TMED3: variants seen among roughly 807,000 people sequenced by gnomAD.
TMED3 encodes transmembrane p24 trafficking protein 3.
A neutral mutation model predicts 15.0 loss-of-function variants in TMED3; 9 were observed. That is an observed-to-expected ratio of 0.60 (90% CI 0.36 to 1.04). The LOEUF (loss-of-function observed/expected upper bound fraction) is 1.04, where lower values mean the gene tolerates loss of function less well. TMED3 is among the 50% of genes least tolerant of loss of function. The pLI, the probability that TMED3 is intolerant of heterozygous loss-of-function variation, is 0.01. For missense variants in TMED3, 267 were observed against 278.9 expected (o/e 0.96, Z 0.30); for synonymous variants, 117 against 121.4 (o/e 0.96, Z 0.24).
At position 79,362,302 on chromosome 15, in the gene TMED3, T is replaced by TTA. The variant is rs750740506; in HGVS notation, c.417+48297_417+48298insTA. Among the ~76,000 whole-genome samples the TTA allele has an allele frequency of 1.3e-4, 18 of 135,038 alleles. No homozygotes were observed. The South Asian group carries it at 3.7e-3, about 28-fold the overall frequency. 88.6% of individuals were successfully genotyped at this position (135,038 alleles called of 152,430 possible). On this transcript the variant is annotated intron_variant, in intron 2 of 2. Transcript: ENST00000424155. ...GGCATATAGTGTGATCTTGCCTCTA[T>TTA]AAAAAAAAAAAAAAAAAATTAGCCA...
chr15:79,356,908 A>G (rs1046533844), intron 2 of TMED3, among the ~76,000 whole-genome samples: 6 of 152,240 alleles, frequency 3.9e-5, no homozygotes, highest in African/African-American at 1.4e-4. Context: ...TTATGTAGGC[A>G]TTAAAATAAG....
intron 2 of TMED3, among the ~76,000 whole-genome samples, chr15:79,329,285 A>T (rs2058798764): frequency 6.6e-6 from 1 of 152,198 alleles, no homozygotes; most frequent in African/African-American, 2.4e-5. Flanking sequence ...TCACAGCCCC[A>T]AACAGCTAGA....
intron 2 of TMED3, among the ~76,000 whole-genome samples, chr15:79,338,580 A>G (rs2058836406): frequency 6.6e-6 from 1 of 152,244 alleles, no homozygotes; most frequent in Non-Finnish European, 1.5e-5. Flanking sequence ...TATACCAGAT[A>G]TAGATCTTAG....
downstream of TMED3, among the ~76,000 whole-genome samples, chr15:79,325,828 C>T (rs764062277): frequency 2.8e-4 from 42 of 152,248 alleles, no homozygotes; most frequent in Non-Finnish European, 5.3e-4. Context: ...ACATCCAGCA[C>T]GGGAGAAAGA....
intron 2 of TMED3, among the ~76,000 whole-genome samples, chr15:79,316,521 TG>T (rs529803161): frequency 2.2e-4 from 33 of 152,276 alleles, no homozygotes; most frequent in African/African-American, 7.7e-4. Flanking sequence ...AGCAGATACT[TG>T]GGTCAGGGGA....
chr15:79,340,098 T>C (rs1309059038), intron 2 of TMED3, among the ~76,000 whole-genome samples: 3 of 152,244 alleles, frequency 2.0e-5, no homozygotes, highest in South Asian at 4.1e-4. Flanking sequence ...TAGTAAATAC[T>C]GTTTAAAGTA....
At chr15:79,329,494 G>C (rs1383521399) in intron 2 of TMED3, among the ~76,000 whole-genome samples, 2 of 152,218 alleles carry the variant, frequency 1.3e-5, no homozygotes, top group African/African-American at 2.4e-5. Context: ...ACTTGGCTCA[G>C]AGCCACTATT....
At chr15:79,364,161 GAATACA>G (rs1893184124) in intron 2 of TMED3, among the ~76,000 whole-genome samples, 1 of 152,136 alleles carries the variant, frequency 6.6e-6, no homozygotes, top group South Asian at 2.1e-4. Flanking sequence ...CTTCACAGTT[GAATACA>G]AAGGCTTTTT....
At chr15:79,332,511 A>T (rs1034095171) in intron 2 of TMED3, among the ~76,000 whole-genome samples, 1 of 152,190 alleles carries the variant, frequency 6.6e-6, no homozygotes, top group East Asian at 1.9e-4. Context: ...CATGTTAAAG[A>T]CTTGGTTTTT....
At chr15:79,398,561 A>G (rs1408559734) in intron 2 of TMED3, among the ~76,000 whole-genome samples, 1 of 134,430 alleles carries the variant, frequency 7.4e-6, no homozygotes, top group East Asian at 2.5e-4. Context: ...GGAAGCTGTG[A>G]GAATAGAAGA....
At chr15:79,328,027 T>A (rs1350228730) in intron 2 of TMED3, among the ~76,000 whole-genome samples, 1 of 152,190 alleles carries the variant, frequency 6.6e-6, no homozygotes, top group African/African-American at 2.4e-5. Context: ...GACATATAAG[T>A]GTTGGAGACT....
chr15:79,360,005 C>A (rs1470665240), intron 2 of TMED3, among the ~76,000 whole-genome samples: 1 of 152,212 alleles, frequency 6.6e-6, no homozygotes, highest in Non-Finnish European at 1.5e-5. Context: ...ATGTTATACT[C>A]TTCCACTGTT....
rs570459761 is a variant in TMED3 at position 79,411,279 on chromosome 15, C to A, written c.418-121C>A. 224 of 581,436 alleles carry A rather than the reference C, an allele frequency of 3.9e-4. 2 individuals are homozygous for A. The South Asian group carries it at 4.4e-3, about 11-fold the overall frequency. The allele number at this position is 581,436 out of a possible 1,614,324, so 36.0% of individuals were successfully genotyped here. On this transcript the variant is annotated intron_variant, in intron 2 of 2. Coordinates refer to the TMED3 transcript ENST00000424155. ...TTAGAGCCAGCAATAAAGGTAAATT[C>A]TTCCACAAAGGGGCTAGGCAATCAA...
chr15:79,351,536 C>T (rs1457653272), intron 2 of TMED3, among the ~76,000 whole-genome samples: 6 of 151,998 alleles, frequency 3.9e-5, no homozygotes, highest in African/African-American at 9.7e-5. Flanking sequence ...TTTTAAAAAC[C>T]CACCTTTTTA....
rs1327286533 is a variant in TMED3, at chr15:79,311,369, C to T, written c.120C>T (p.Cys40=). ...AGCTGCCGGACAACGCCAAGCAGTG[C>T]TTCCACGAGGAGGTGGAGCAGGGCG... The part of the protein sequence containing the change: ...TFELPDNAKQ[C]FHEEVEQGVK... The change falls in exon 1 of 3, where the codon TGC becomes TGT. Residue 40 remains cysteine, a synonymous_variant. Coordinates refer to ENST00000299705, the MANE Select transcript of TMED3 (RefSeq NM_007364.4). 6 of 1,612,170 alleles carry T rather than the reference C, an allele frequency of 3.7e-6. No homozygotes were observed. The highest frequency in any genetic ancestry group is 2.7e-5 in the African/African-American group (2 of 74,886).
chr15:79,357,466 A>T (rs74778706), intron 2 of TMED3, among the ~76,000 whole-genome samples: 1 of 117,182 alleles, frequency 8.5e-6, no homozygotes, highest in Non-Finnish European at 1.8e-5. Context: ...CCCTGCCTCA[A>T]AAAAAAAAAA....
intron 2 of TMED3, among the ~76,000 whole-genome samples, chr15:79,348,569 G>A (rs750000727): frequency 6.6e-6 from 1 of 152,170 alleles, no homozygotes; most frequent in Non-Finnish European, 1.5e-5. Flanking sequence ...CTGTGTAATG[G>A]AAGAAATCAA....
intron 2 of TMED3, among the ~76,000 whole-genome samples, chr15:79,370,743 T>C (rs574748672): frequency 6.6e-6 from 1 of 152,302 alleles, no homozygotes; most frequent in East Asian, 1.9e-4. Flanking sequence ...AACCTGTGGA[T>C]ATAGTTTTGA....
intron 2 of TMED3, among the ~76,000 whole-genome samples, chr15:79,400,127 C>T (rs570560055): frequency 2.6e-5 from 4 of 152,322 alleles, no homozygotes; most frequent in African/African-American, 9.6e-5. Flanking sequence ...TCATGCTCCT[C>T]CCAACCTCAG....
Sources: gnomAD v4.1 joint callset for allele counts (sites outside exome capture counted in the v4.1 genomes callset) on GRCh38, gnomAD v4.1.1 for gene constraint, MANE v1.5 for transcripts, NCBI Gene and HGNC (gene_info 2026-07-23, HGNC 2026-07-21) for gene names.